The following UBP1 variants were observed in gnomAD, a reference collection of about 807,000 sequenced individuals.
UBP1 encodes the protein upstream-binding protein 1.
A neutral mutation model predicts 76.1 loss-of-function variants in UBP1; 22 were observed. The observed-to-expected ratio is 0.29, with a 90% CI of 0.21 to 0.41. The LOEUF (loss-of-function observed/expected upper bound fraction) is 0.41. Among genes scored for constraint, UBP1 ranks in the 10% least tolerant of loss-of-function variants. The pLI is 1.00. For synonymous variants in UBP1, 224 were observed against 237.1 expected, an observed-to-expected ratio of 0.94 and a Z score of 0.51; for missense variants, 436 against 668.1, an observed-to-expected ratio of 0.65 and a Z score of 3.83.
rs571759898 is a variant in UBP1, at chr3:33,427,275, T to C, written c.114-1534A>G. 7.2e-5 allele frequency among the ~76,000 whole-genome samples: 11 copies of C among 152,388 alleles called. No homozygotes were observed. The East Asian group carries it at 2.1e-3, about 29-fold the overall frequency. ...CCATCACGCCCCGCCTCTGTTTAAC[T>C]TTCTGAGCAACTGCCAAGCTGTTTT... On this transcript the variant is annotated intron_variant, in intron 1 of 15. Transcript: ENST00000283629.
At chr3:33,430,281 G>T (rs1317367699) in intron 1 of UBP1, among the ~76,000 whole-genome samples, 3 of 152,176 alleles carry the variant, frequency 2.0e-5, no homozygotes, top group Non-Finnish European at 4.4e-5. Flanking sequence ...TGGCCTTGTG[G>T]GTGTAGGATA....
rs182490151 is a variant in UBP1 at position 33,431,755 on chromosome 3, A to C, written c.114-6014T>G. Among the ~76,000 whole-genome samples, 386 of 151,994 alleles carry C rather than the reference A, an allele frequency of 2.5e-3. 2 individuals carry two copies. The highest frequency in any genetic ancestry group is 0.011 in the South Asian group (54 of 4,818). On this transcript the variant is annotated intron_variant, in intron 1 of 15. Coordinates refer to ENST00000283629, the MANE Select transcript of UBP1 (RefSeq NM_014517.5). Reference sequence around the variant, plus strand: ...ACTCCGTCTCAAAGAAAAAAAAAAAAAACGAAAAAAGACAGCTCCATTTTC... The same window carrying C: ...ACTCCGTCTCAAAGAAAAAAAAAAACAACGAAAAAAGACAGCTCCATTTTC...
At chr3:33,426,266 T>C (rs949620371) in intron 1 of UBP1, among the ~76,000 whole-genome samples, 5 of 151,908 alleles carry the variant, frequency 3.3e-5, no homozygotes, top group African/African-American at 1.2e-4. Flanking sequence ...TGAAGCTTCA[T>C]GCCTAATCTA....
rs1025806156 is a variant in UBP1 at position 33,439,989 on chromosome 3, C to G, written c.-141G>C. 4.8e-6 allele frequency: 4 copies of G among 834,120 alleles called. No homozygotes were observed. The African/African-American group carries it at 5.5e-5, about 11-fold the overall frequency. The allele number at this position is 834,120 out of a possible 1,614,324, so 51.7% of individuals were successfully genotyped here. Reference sequence around the variant, plus strand: ...GAGTGGTCACCAGCGGCGGCCGGGACGAGAGCTGCGGGGGCCCCACTGGCA... The same window carrying G: ...GAGTGGTCACCAGCGGCGGCCGGGAGGAGAGCTGCGGGGGCCCCACTGGCA... On this transcript the variant is annotated 5_prime_UTR_variant, in exon 1 of 16. Transcript: ENST00000283629.
At chr3:33,393,092 G>C (rs986826035) in intron 14 of UBP1, 1 of 483,102 alleles carries the variant, frequency 2.1e-6, no homozygotes, top group African/African-American at 2.0e-5. Context: ...CTAAAGGGCT[G>C]GGGGGAGGCT....
At chr3:33,431,991 T>C (rs1225682733) in intron 1 of UBP1, among the ~76,000 whole-genome samples, 1 of 152,098 alleles carries the variant, frequency 6.6e-6, no homozygotes, top group East Asian at 1.9e-4. Context: ...CTCATATCCA[T>C]TAAATAAATT....
At chr3:33,407,525 C>T (rs1222954523) in intron 8 of UBP1, among the ~76,000 whole-genome samples, 1 of 141,460 alleles carries the variant, frequency 7.1e-6, no homozygotes, top group Admixed American at 7.2e-5. Context: ...GCTGTTTTAA[C>T]AATCTTTGAT....
At chr3:33,396,384 CT>C in intron 12 of UBP1, 104 bp from the exon 13 acceptor site, 1 of 838,788 alleles carries the variant, frequency 1.2e-6, no homozygotes, top group Non-Finnish European at 1.8e-6. Context: ...CTTATGAGAA[CT>C]TTATAATGTT....
chr3:33,390,162 CAGTGAG>C lies in UBP1; in HGVS notation c.*163_*168del, dbSNP rs1373899209. ...TGAGGATGCTTGGCTATGGCAGTGA[CAGTGAG>C]GAGATTCACCTCTCATACAGCTCAT... On this transcript the variant is annotated 3_prime_UTR_variant, in exon 16 of 16. Transcript: ENST00000283629. 1 of 650,410 alleles carries C rather than the reference CAGTGAG, an allele frequency of 1.5e-6. No homozygotes were observed. Among genetic ancestry groups the C allele is most frequent in the African/African-American group, 1.8e-5 (1 of 54,728 alleles). 40.3% of individuals were successfully genotyped at this position (650,410 alleles called of 1,614,324 possible).
At chr3:33,426,927 A>T (rs534000966) in intron 1 of UBP1, among the ~76,000 whole-genome samples, 1 of 152,270 alleles carries the variant, frequency 6.6e-6, no homozygotes, top group Admixed American at 6.5e-5. Context: ...ATACACCTGG[A>T]ACTGGAATTA....
chr3:33,393,303 T>C lies in UBP1; in HGVS notation c.1533+9A>G, dbSNP rs756602268. On this transcript the variant is annotated intron_variant, in intron 14 of 15. Transcript: ENST00000283629. ...AGTCTGAAAAGGAAAAACAAATGAT[T>C]TGATTTACCTGATCACTAACAAGAA... The C allele has an allele frequency of 1.9e-6, 3 of 1,590,262 alleles. No individual in the cohort carries two copies. In the East Asian group the frequency reaches 6.8e-5, roughly 36 times the overall value.
rs370275642 is a variant in UBP1, at chr3:33,409,420, T to C, written c.708+29A>G. The C allele has an allele frequency of 6.2e-6, 10 of 1,613,834 alleles. No individual in the cohort carries two copies. In the African/African-American group the frequency reaches 1.3e-4, roughly 22 times the overall value. The stretch of plus-strand genomic sequence containing the variant: ...CTTTACAGGCAAAACTGAGCCTTAA[T>C]TACAGAAAACCCGGGTTCTCTGTCT... On this transcript the variant is annotated intron_variant, in intron 6 of 15. Coordinates refer to ENST00000283629, the MANE Select transcript of UBP1 (RefSeq NM_014517.5).
At chr3:33,412,118 C>T (rs750707699) in intron 4 of UBP1, among the ~76,000 whole-genome samples, 1 of 144,600 alleles carries the variant, frequency 6.9e-6, no homozygotes, top group Non-Finnish European at 1.5e-5. Flanking sequence ...ACCCAGGAGG[C>T]GGAGGTTGCA....
intron 1 of UBP1, among the ~76,000 whole-genome samples, chr3:33,438,169 G>A (rs962833111): frequency 6.6e-6 from 1 of 152,130 alleles, no homozygotes; most frequent in Non-Finnish European, 1.5e-5. Context: ...ATACACAGAA[G>A]TTATTACATT....
intron 1 of UBP1, among the ~76,000 whole-genome samples, chr3:33,435,483 T>C (rs1186012108): frequency 1.3e-5 from 2 of 152,054 alleles, no homozygotes; most frequent in Non-Finnish European, 2.9e-5. Context: ...AAAATAAAAA[T>C]TTAAAAATTA....
chr3:33,437,079 AAAC>A (rs1028685413), intron 1 of UBP1, among the ~76,000 whole-genome samples: 5 of 152,140 alleles, frequency 3.3e-5, no homozygotes, highest in African/African-American at 1.2e-4. Context: ...GACTAAACAA[AAAC>A]AACAACAAAA....
chr3:33,396,710 A>G (rs2044009946), intron 12 of UBP1: 2 of 518,220 alleles, frequency 3.9e-6, no homozygotes, highest in South Asian at 3.2e-5. Flanking sequence ...AGTAATAGTC[A>G]TGACCTTGAA....
intron 13 of UBP1, among the ~76,000 whole-genome samples, chr3:33,395,187 G>A (rs1458401791): frequency 6.6e-6 from 1 of 152,124 alleles, no homozygotes; most frequent in Admixed American, 6.5e-5. Flanking sequence ...AGCTTTTGAA[G>A]TCAAAATAAT....
At chr3:33,432,696 T>C (rs2045134119) in intron 1 of UBP1, among the ~76,000 whole-genome samples, 1 of 152,066 alleles carries the variant, frequency 6.6e-6, no homozygotes, top group African/African-American at 2.4e-5. Context: ...GTCAAAATCA[T>C]AAAAGAAGGA....
Sources: gnomAD v4.1 joint callset for allele counts (sites outside exome capture counted in the v4.1 genomes callset) on GRCh38, gnomAD v4.1.1 for gene constraint, MANE v1.5 for transcripts, NCBI Gene and HGNC (gene_info 2026-07-23, HGNC 2026-07-21) for gene names.